The following GSK3B variants were observed in gnomAD, a reference collection of about 807,000 sequenced individuals.
GSK3B encodes the protein glycogen synthase kinase-3 beta.
A neutral mutation model predicts 56.4 loss-of-function variants in GSK3B; 15 were observed. That is an observed-to-expected ratio of 0.27 (90% CI 0.18 to 0.41). GSK3B has a LOEUF of 0.41. Ranked by LOEUF, GSK3B falls within the 10% of genes least tolerant of loss-of-function variation. GSK3B has a pLI of 1.00. For synonymous variants in GSK3B, 181 were observed against 188.9 expected (o/e 0.96, Z 0.34); for missense variants, 300 against 513.4 (o/e 0.58, Z 4.02).
intron 3 of GSK3B, among the ~76,000 whole-genome samples, chr3:119,936,335 AAAAT>A (rs2056994013): frequency 1.5e-5 from 2 of 130,748 alleles, no homozygotes; most frequent in African/African-American, 6.9e-5. Context: ...ATATATATAA[AAAAT>A]ATATATATAT....
chr3:119,844,316 A>G (rs2055823755), intron 9 of GSK3B, among the ~76,000 whole-genome samples: 2 of 152,092 alleles, frequency 1.3e-5, no homozygotes, highest in Non-Finnish European at 2.9e-5. Flanking sequence ...AAGACAAGAA[A>G]TAACTAAGAT....
chr3:119,886,957 C>A (rs79279578), intron 7 of GSK3B, among the ~76,000 whole-genome samples: 4,173 of 152,092 alleles, frequency 0.027, 181 homozygotes, highest in African/African-American at 0.092. Context: ...TCAGCATCAC[C>A]CAATACACCC....
chr3:120,078,914 TACACACACACACACAC>T (rs57127586), intron 1 of GSK3B, among the ~76,000 whole-genome samples: 1 of 138,202 alleles, frequency 7.2e-6, no homozygotes, highest in Non-Finnish European at 1.6e-5. Context: ...GACAGGAAAT[TACACACACACACACAC>T]ACACACACAC....
At chr3:119,939,133 A>G (rs1443769440) in intron 3 of GSK3B, among the ~76,000 whole-genome samples, 2 of 152,114 alleles carry the variant, frequency 1.3e-5, no homozygotes, top group Non-Finnish European at 2.9e-5. Flanking sequence ...ACTTTTGAGC[A>G]GAGACAATAC....
At chr3:119,969,055 G>A (rs2057343551) in intron 2 of GSK3B, among the ~76,000 whole-genome samples, 1 of 152,110 alleles carries the variant, frequency 6.6e-6, no homozygotes, top group African/African-American at 2.4e-5. Flanking sequence ...ACTTGGGGAG[G>A]CGGAGGTGGG....
At chr3:120,091,992 T>A (rs148384822) in intron 1 of GSK3B, among the ~76,000 whole-genome samples, 1,620 of 152,284 alleles carry the variant, frequency 0.011, 10 homozygotes, top group Middle Eastern at 0.037. Context: ...AACATCATGT[T>A]TTGCGTGTGT....
intron 1 of GSK3B, among the ~76,000 whole-genome samples, chr3:120,078,616 G>A (rs1264441674): frequency 6.7e-6 from 1 of 149,598 alleles, no homozygotes; most frequent in Middle Eastern, 3.2e-3. Flanking sequence ...CAAGTGGCAC[G>A]ATCTCGGCTC....
intron 1 of GSK3B, among the ~76,000 whole-genome samples, chr3:120,021,949 T>C (rs1480395420): frequency 1.3e-5 from 2 of 152,218 alleles, no homozygotes; most frequent in East Asian, 1.9e-4. Context: ...TAGTCCCAGC[T>C]AATCAGGAGG....
chr3:120,055,428 C>G (rs1303105873), intron 1 of GSK3B, among the ~76,000 whole-genome samples: 1 of 152,096 alleles, frequency 6.6e-6, no homozygotes, highest in African/African-American at 2.4e-5. Flanking sequence ...TTTTCATATT[C>G]AAAGCGACAA....
intron 2 of GSK3B, among the ~76,000 whole-genome samples, chr3:119,992,996 C>T (rs555864856): frequency 6.1e-4 from 92 of 150,986 alleles, no homozygotes; most frequent in African/African-American, 2.0e-3. Flanking sequence ...ATTGGTATAA[C>T]CTTTATGGAG....
intron 2 of GSK3B, among the ~76,000 whole-genome samples, chr3:119,967,050 C>G (rs2057324371): frequency 6.6e-6 from 1 of 151,644 alleles, no homozygotes; most frequent in Non-Finnish European, 1.5e-5. Context: ...AATTGATCTA[C>G]AGATCCACTA....
intron 1 of GSK3B, among the ~76,000 whole-genome samples, chr3:120,091,586 T>A (rs1330382802): frequency 6.6e-6 from 1 of 152,168 alleles, no homozygotes; most frequent in East Asian, 1.9e-4. Context: ...TGAAATAGAC[T>A]GACTGATTTT....
intron 9 of GSK3B, among the ~76,000 whole-genome samples, chr3:119,859,219 TA>T (rs1482714798): frequency 3.2e-4 from 47 of 147,946 alleles, no homozygotes; most frequent in Non-Finnish European, 5.5e-4. Flanking sequence ...TGAAATGCAA[TA>T]AAGTGAAGCT....
Position 119,930,122 on chromosome 3 carries a change from CACGT to C in GSK3B, c.367-6643_367-6640del, listed in dbSNP as rs1478640915. On this transcript the variant is annotated intron_variant, in intron 3 of 10. Coordinates refer to ENST00000264235, the MANE Select transcript of GSK3B (RefSeq NM_001146156.2). ...ACACACACACACACACACACACACACACGTGCGCATGCACACACACATTTATTTA... is the reference window on the plus strand; with the variant it reads ...ACACACACACACACACACACACACACGCGCATGCACACACACATTTATTTA... 1.0e-3 allele frequency among the ~76,000 whole-genome samples: 140 copies of C among 139,838 alleles called. 1 individual carries two copies. The highest frequency in any genetic ancestry group is 7.6e-3 in the Middle Eastern group (2 of 262). The allele number at this position is 139,838 out of a possible 152,430, so 91.7% of individuals were successfully genotyped here.
intron 10 of GSK3B, among the ~76,000 whole-genome samples, chr3:119,832,289 T>C (rs1206978686): frequency 6.6e-6 from 1 of 152,268 alleles, no homozygotes; most frequent in Non-Finnish European, 1.5e-5. Flanking sequence ...AGAGCCACTG[T>C]GGAAGCAGAG....
intron 10 of GSK3B, among the ~76,000 whole-genome samples, chr3:119,832,794 C>T (rs2055624724): frequency 1.3e-5 from 2 of 152,206 alleles, no homozygotes; most frequent in Admixed American, 1.3e-4. Context: ...ACAACTTAGG[C>T]AGTCCCACAG....
chr3:119,971,835 T>A (rs1267533761), intron 2 of GSK3B, among the ~76,000 whole-genome samples: 1 of 151,538 alleles, frequency 6.6e-6, no homozygotes, highest in East Asian at 1.9e-4. Flanking sequence ...ATGGTCTCGA[T>A]CTCCTGACCT....
chr3:119,873,655 G>A (rs1362555639), intron 8 of GSK3B, among the ~76,000 whole-genome samples: 1 of 151,876 alleles, frequency 6.6e-6, no homozygotes, highest in East Asian at 1.9e-4. Flanking sequence ...TTTAAGTTTT[G>A]CATTTTAATT....
chr3:120,036,792 CAA>C (rs560163237), intron 1 of GSK3B, among the ~76,000 whole-genome samples: 1 of 64,334 alleles, frequency 1.6e-5, no homozygotes, highest in Non-Finnish European at 3.1e-5. Flanking sequence ...GACTCCGACT[CAA>C]AAAAAAAAAA....
Sources: gnomAD v4.1 joint callset for allele counts (sites outside exome capture counted in the v4.1 genomes callset) on GRCh38, gnomAD v4.1.1 for gene constraint, MANE v1.5 for transcripts, NCBI Gene and HGNC (gene_info 2026-07-23, HGNC 2026-07-21) for gene names.